The following KLHDC7B variants were observed in gnomAD, a reference collection of about 807,000 sequenced individuals.
KLHDC7B encodes the protein kelch domain-containing protein 7B.
In KLHDC7B, 1 loss-of-function variant was observed where a neutral mutation model predicts 0.6. The observed-to-expected ratio is 1.71, with a 90% CI of 0.61 to 8.11. The LOEUF is 8.11. Among genes scored for constraint, KLHDC7B ranks in the 30% most tolerant of loss-of-function variants. The pLI, the probability that KLHDC7B is intolerant of heterozygous loss-of-function variation, is 0.13. For synonymous variants in KLHDC7B, 462 were observed against 405.2 expected, an observed-to-expected ratio of 1.14 and a Z score of -1.68; for missense variants, 993 against 894.9, an observed-to-expected ratio of 1.11 and a Z score of -1.40.
Position 50,548,106 on chromosome 22 carries a change from G to T in KLHDC7B, c.1863G>T (p.Val621=), listed in dbSNP as rs1325410063. The T allele has an allele frequency of 7.0e-7, 1 of 1,434,560 alleles. No individual in the cohort carries two copies. The highest frequency in any genetic ancestry group is 9.1e-7 in the Non-Finnish European group (1 of 1,093,050). 88.9% of individuals were successfully genotyped at this position (1,434,560 alleles called of 1,614,324 possible). The change falls in exon 1 of 1, where the codon GTG becomes GTT. Residue 621 remains valine (V), a synonymous_variant. Coordinates refer to ENST00000648057, the MANE Select transcript of KLHDC7B (RefSeq NM_138433.5). The surrounding 1 kb of genome is among the most constrained non-coding windows in gnomAD (Gnocchi z 5.3). ...ACGGGTCAAAGCCTCAGGAGAGTGT[G>T]GCTCTCCCCAGGCGCTACCAGGAGG... is the stretch of plus-strand genomic sequence containing the variant. ...PADGSKPQES[V]ALPRRYQEGQ... is the part of the protein sequence containing the mutation.
rs1047145670 is a variant in KLHDC7B at position 50,546,850 on chromosome 22, G to A, written c.607G>A (p.Ala203Thr). Among the ~76,000 whole-genome samples, 1 of 152,032 alleles carries A rather than the reference G, an allele frequency of 6.6e-6. No homozygotes were observed. Among genetic ancestry groups the A allele is most frequent in the African/African-American group, 2.4e-5 (1 of 41,428 alleles). ...GGVRASSRQA[A>T]GPAGQQDTGP... ...TGTCAGGGCGTCCTCTCGCCAGGCC[G>A]CAGGCCCCGCGGGGCAACAGGACAC... is the stretch of plus-strand genomic sequence containing the variant. Residue 203 changes from alanine (A) to threonine (T), a missense_variant, in exon 1 of 1, where the codon GCA (alanine) becomes ACA (threonine). By Grantham distance (58) the Ala-to-Thr change is moderately conservative. Transcript: ENST00000648057.
Position 50,548,806 on chromosome 22 carries a change from C to T in KLHDC7B, c.2563C>T (p.Leu855=). 6.7e-7 allele frequency: 1 copy of T among 1,481,904 alleles called. No homozygotes were observed. Among genetic ancestry groups the T allele is most frequent in the Non-Finnish European group, 8.9e-7 (1 of 1,120,782 alleles). The allele number at this position is 1,481,904 out of a possible 1,614,324, so 91.8% of individuals were successfully genotyped here. A position where few individuals can be genotyped will look rare whatever the true frequency, so the allele number is the denominator to read the frequency against. Reference sequence around the variant, plus strand: ...CCTGGAGCCCGCCACGGCGGCAGCCCTGCGGCGGCGGCTGGACCTGGGCAG... The same window carrying T: ...CCTGGAGCCCGCCACGGCGGCAGCCTTGCGGCGGCGGCTGGACCTGGGCAG... The part of the protein sequence containing the change: ...RALEPATAAA[L]RRRLDLGSCL... Residue 855 remains leucine, a synonymous_variant, in exon 1 of 1, where the codon CTG becomes TTG. Coordinates refer to ENST00000648057, the MANE Select transcript of KLHDC7B (RefSeq NM_138433.5). This position sits in a 1 kb window ranked among gnomAD's most constrained non-coding sequence, Gnocchi z 5.3.
Position 50,549,042 on chromosome 22 carries a change from C to T in KLHDC7B, c.2799C>T (p.Tyr933=), listed in dbSNP as rs765179298. 8 of 1,596,606 alleles carry T rather than the reference C, an allele frequency of 5.0e-6. No homozygotes were observed. Among genetic ancestry groups the T allele is most frequent in the East Asian group, 2.2e-5 (1 of 44,780 alleles). ...VLGVLVLPSL[Y]QGGRSGLPRG... ...GCGTCCTCGTACTGCCCAGCCTCTACCAGGGGGGCCGCTCAGGGCTCCCCA... is the reference window on the plus strand; with the variant it reads ...GCGTCCTCGTACTGCCCAGCCTCTATCAGGGGGGCCGCTCAGGGCTCCCCA... The change falls in exon 1 of 1, where the codon TAC becomes TAT. Residue 933 remains tyrosine (Y), a synonymous_variant. Transcript: ENST00000648057.
chr22:50,549,637 CTGGGGGGCTTCCTG>C lies in KLHDC7B; in HGVS notation c.1473_1486del (p.Gly492ProfsTer91). 2 of 1,556,550 alleles carry C rather than the reference CTGGGGGGCTTCCTG, an allele frequency of 1.3e-6. No individual in the cohort carries two copies. The highest frequency in any genetic ancestry group is 1.7e-6 in the Non-Finnish European group (2 of 1,148,486). On this transcript the variant is annotated frameshift_variant, in exon 1 of 1. Transcript: ENST00000395676. LOFTEE classifies it low-confidence loss of function (END_TRUNC). ...CCGGCGTTCCAGCGACATCGTGGCA[CTGGGGGGCTTCCTG>C]TACCGCTTCGACCTGCTGCGGGGCG...
At position 50,546,391 on chromosome 22, in the gene KLHDC7B, C is replaced by T; in HGVS notation, c.148C>T (p.His50Tyr). The T allele has an allele frequency of 2.5e-6, 1 of 399,354 alleles. No individual in the cohort carries two copies. The highest frequency in any genetic ancestry group is 4.4e-6 in the Non-Finnish European group (1 of 226,346). The allele number at this position is 399,354 out of a possible 1,614,324, so 24.7% of individuals were successfully genotyped here. ...GGCCTTACACTGGTTTGGCTCCGGG[C>T]ACGATCAAGAGGCGGCAGAACCGGT... is the stretch of plus-strand genomic sequence containing the variant. ...ALALHWFGSG[H>Y]DQEAAEPVST... Residue 50 changes from histidine to tyrosine, a missense_variant, in exon 1 of 1, where the codon CAC (histidine) becomes TAC (tyrosine). By Grantham distance (83) the His-to-Tyr change is moderately conservative. Transcript: ENST00000648057.
chr22:50,546,925 C>T lies in KLHDC7B; in HGVS notation c.682C>T (p.Arg228Trp), dbSNP rs532243715. 1.3e-5 allele frequency among the ~76,000 whole-genome samples: 2 copies of T among 151,842 alleles called. No individual in the cohort carries two copies. The highest frequency in any genetic ancestry group is 1.9e-4 in the East Asian group (1 of 5,168). Residue 228 changes from arginine to tryptophan, a missense_variant, in exon 1 of 1, where the codon CGG becomes TGG. Physicochemically the swap from Arg to Trp is moderately radical, Grantham distance 101 (BLOSUM62 -3). Coordinates refer to ENST00000648057, the MANE Select transcript of KLHDC7B (RefSeq NM_138433.5). ...AGPSGSMGRG[R>W]GRRRRMDAGS... Reference sequence around the variant, plus strand: ...GCCCTCGGGCTCGATGGGGAGAGGCCGGGGCCGGCGGCGGCGGATGGACGC... The same window carrying T: ...GCCCTCGGGCTCGATGGGGAGAGGCTGGGGCCGGCGGCGGCGGATGGACGC...
Position 50,549,199 on chromosome 22 carries a change from C to G in KLHDC7B, c.2956C>G (p.Arg986Gly). 1 of 1,606,646 alleles carries G rather than the reference C, an allele frequency of 6.2e-7. No individual in the cohort carries two copies. The change falls in exon 1 of 1, where the codon CGG becomes GGG. Residue 986 changes from arginine to glycine, a missense_variant. Arg to Gly is a moderately radical substitution (Grantham distance 125, BLOSUM62 -2). Coordinates refer to ENST00000648057, the MANE Select transcript of KLHDC7B (RefSeq NM_138433.5). Reference protein sequence around the residue: ...LTQVPEEAPLRGCGLCTMHNY... With the variant: ...LTQVPEEAPLGGCGLCTMHNY... ...CCAGGTGCCCGAGGAGGCCCCGCTTCGGGGCTGCGGTCTCTGCACCATGCA... is the reference window on the plus strand; with the variant it reads ...CCAGGTGCCCGAGGAGGCCCCGCTTGGGGGCTGCGGTCTCTGCACCATGCA...
Position 50,549,792 on chromosome 22 carries a change from C to G in KLHDC7B, c.1626C>G (p.Tyr542Ter). Residue 542 changes from tyrosine (Y) to a stop codon, truncating the protein, a stop_gained, in exon 1 of 1, where the codon TAC becomes TAG. Coordinates refer to the KLHDC7B transcript ENST00000395676. LOFTEE classifies it high-confidence loss of function. ...GCACCACCCTGGGCAACACCATTTA[C>G]TGCCTCAACCCCCAGGTCACTGCCA... The G allele has an allele frequency of 6.8e-7, 1 of 1,468,024 alleles. No individual in the cohort carries two copies. The highest frequency in any genetic ancestry group is 2.9e-5 in the East Asian group (1 of 34,130). 90.9% of individuals were successfully genotyped at this position (1,468,024 alleles called of 1,614,324 possible).
chr22:50,550,090 T>C lies in KLHDC7B; in HGVS notation c.*139T>C. ...TTTCTGGACAACTTTCCCCTTCTGCTTTAAAGGTTGTCGATTATTTTGAAG... is the reference window on the plus strand; with the variant it reads ...TTTCTGGACAACTTTCCCCTTCTGCCTTAAAGGTTGTCGATTATTTTGAAG... On this transcript the variant is annotated 3_prime_UTR_variant, in exon 1 of 1. Coordinates refer to ENST00000648057, the MANE Select transcript of KLHDC7B (RefSeq NM_138433.5). 2.2e-6 allele frequency: 2 copies of C among 915,190 alleles called. No individual in the cohort carries two copies. Among genetic ancestry groups the C allele is most frequent in the Non-Finnish European group, 3.2e-6 (2 of 627,074 alleles). 56.7% of individuals were successfully genotyped at this position (915,190 alleles called of 1,614,324 possible). A position where few individuals can be genotyped will look rare whatever the true frequency, so the allele number is the denominator to read the frequency against.
rs1438518078 is a variant in KLHDC7B at position 50,549,651 on chromosome 22, G to A, written c.3408G>A (p.Leu1136=). The change falls in exon 1 of 1, where the codon CTG becomes CTA. Residue 1136 remains leucine, a synonymous_variant. Transcript: ENST00000648057. ...ACATCGTGGCACTGGGGGGCTTCCT[G>A]TACCGCTTCGACCTGCTGCGGGGCG... is the stretch of plus-strand genomic sequence containing the variant. ...SSDIVALGGF[L]YRFDLLRGVG... is the part of the protein sequence containing the mutation. The A allele has an allele frequency of 3.2e-6, 5 of 1,557,318 alleles. No individual in the cohort carries two copies. In the South Asian group the frequency reaches 4.8e-5, roughly 15 times the overall value.
chr22:50,548,887 G>T lies in KLHDC7B; in HGVS notation c.721G>T (p.Glu241Ter). The change falls in exon 1 of 1, where the codon GAG becomes TAG. Residue 241 changes from glutamate to a stop codon, truncating the protein, a stop_gained. Coordinates refer to the KLHDC7B transcript ENST00000395676. LOFTEE classifies it low-confidence loss of function (END_TRUNC). This position sits in a 1 kb window ranked among gnomAD's most constrained non-coding sequence, Gnocchi z 5.3. The stretch of plus-strand genomic sequence containing the variant: ...GCACGGAGAGCCCGGCCTGGCGCAG[G>T]AGACCTACGCGCTGATGAGCGACAA... 6.3e-7 allele frequency: 1 copy of T among 1,577,216 alleles called. No homozygotes were observed. Among genetic ancestry groups the T allele is most frequent in the African/African-American group, 1.4e-5 (1 of 73,994 alleles).
At position 50,549,414 on chromosome 22, in the gene KLHDC7B, C is replaced by A; in HGVS notation, c.1248C>A (p.Tyr416Ter). ...ATGCCATCGGTGGCGAATGCCTGTACAGCATGGAGTGCTACGACCCGCGAA... is the reference window on the plus strand; with the variant it reads ...ATGCCATCGGTGGCGAATGCCTGTAAAGCATGGAGTGCTACGACCCGCGAA... The change falls in exon 1 of 1, where the codon TAC becomes TAA. Residue 416 changes from tyrosine (Y) to a stop codon, truncating the protein, a stop_gained. Transcript: ENST00000395676. LOFTEE classifies it low-confidence loss of function (END_TRUNC). 6.2e-7 allele frequency: 1 copy of A among 1,612,698 alleles called. No homozygotes were observed. The highest frequency in any genetic ancestry group is 8.5e-7 in the Non-Finnish European group (1 of 1,179,916).
chr22:50,547,702 T>C lies in KLHDC7B; in HGVS notation c.1459T>C (p.Ser487Pro). 1 of 442,914 alleles carries C rather than the reference T, an allele frequency of 2.3e-6. No individual in the cohort carries two copies. Among genetic ancestry groups the C allele is most frequent in the Non-Finnish European group, 4.0e-6 (1 of 251,958 alleles). The allele number at this position is 442,914 out of a possible 1,614,324, so 27.4% of individuals were successfully genotyped here. ...AGTCCTAGCCCCAGCCCTGGCTTCA[T>C]CCCCCAGCTCAGCACCAACCTCAGC... ...ASVLAPALAS[S>P]PSSAPTSATT... The change falls in exon 1 of 1, where the codon TCC (serine) becomes CCC (proline). Residue 487 changes from serine (S) to proline (P), a missense_variant. Transcript: ENST00000648057.
In KLHDC7B at chr22:50,549,888, C is replaced by A. The variant is rs148213739; in HGVS notation, c.3645C>A (p.Thr1215=). ...KELQPFPLGS[T]GVLSPFILTL... ...TGCAGCCCTTCCCCTTGGGGAGCACCGGGGTCCTCAGTCCATTCATCCTGA... is the reference window on the plus strand; with the variant it reads ...TGCAGCCCTTCCCCTTGGGGAGCACAGGGGTCCTCAGTCCATTCATCCTGA... Residue 1215 remains threonine, a synonymous_variant, in exon 1 of 1, where the codon ACC becomes ACA. Transcript: ENST00000648057. 1 of 1,588,596 alleles carries A rather than the reference C, an allele frequency of 6.3e-7. No individual in the cohort carries two copies. Among genetic ancestry groups the A allele is most frequent in the South Asian group, 1.1e-5 (1 of 88,376 alleles).
Position 50,548,795 on chromosome 22 carries a change from C to G in KLHDC7B, c.2552C>G (p.Thr851Arg), listed in dbSNP as rs890396601. The G allele has an allele frequency of 6.8e-7, 1 of 1,462,568 alleles. No homozygotes were observed. The highest frequency in any genetic ancestry group is 9.0e-7 in the Non-Finnish European group (1 of 1,112,676). 90.6% of individuals were successfully genotyped at this position (1,462,568 alleles called of 1,614,324 possible). A position where few individuals can be genotyped will look rare whatever the true frequency, so the allele number is the denominator to read the frequency against. The change falls in exon 1 of 1, where the codon ACG (threonine) becomes AGG (arginine). Residue 851 changes from threonine (T) to arginine (R), a missense_variant. By Grantham distance (71) the Thr-to-Arg change is moderately conservative. Coordinates refer to ENST00000648057, the MANE Select transcript of KLHDC7B (RefSeq NM_138433.5). This position sits in a 1 kb window ranked among gnomAD's most constrained non-coding sequence, Gnocchi z 5.3. ...KPSSRALEPA[T>R]AAALRRRLDL... ...AGCTCCCGGGCCCTGGAGCCCGCCA[C>G]GGCGGCAGCCCTGCGGCGGCGGCTG... is the stretch of plus-strand genomic sequence containing the variant.
In KLHDC7B at chr22:50,549,748, G is replaced by GCC; in HGVS notation, c.1586_1587dup (p.Ala530ProfsTer54). On this transcript the variant is annotated frameshift_variant, in exon 1 of 1. Transcript: ENST00000395676. LOFTEE classifies it low-confidence loss of function (END_TRUNC). ...CAGGGCTGCCTCCCTGCCCCTGCCC[G>GCC]CCCCCGCCCCACTGCACTGCACCAC... The GCC allele has an allele frequency of 6.2e-6, 9 of 1,447,098 alleles. No individual in the cohort carries two copies. The highest frequency in any genetic ancestry group is 8.3e-6 in the Non-Finnish European group (9 of 1,078,710). 89.6% of individuals were successfully genotyped at this position (1,447,098 alleles called of 1,614,324 possible).
rs976726852 is a variant in KLHDC7B at position 50,545,971 on chromosome 22, G to A, written c.-273G>A. Reference sequence around the variant, plus strand: ...TGAGGACCCTGGGGCCTACGAGGAGGAGAAGAGGGCAGGAGCTGGTGGGGT... The same window carrying A: ...TGAGGACCCTGGGGCCTACGAGGAGAAGAAGAGGGCAGGAGCTGGTGGGGT... On this transcript the variant is annotated 5_prime_UTR_variant, in exon 1 of 1. Transcript: ENST00000648057. Among the ~76,000 whole-genome samples the A allele has an allele frequency of 1.5e-5, 2 of 132,880 alleles. No individual in the cohort carries two copies. The highest frequency in any genetic ancestry group is 3.4e-5 in the Non-Finnish European group (2 of 58,828). The allele number at this position is 132,880 out of a possible 152,430, so 87.2% of individuals were successfully genotyped here. A position where few individuals can be genotyped will look rare whatever the true frequency, so the allele number is the denominator to read the frequency against.
chr22:50,548,599 G>A lies in KLHDC7B; in HGVS notation c.2356G>A (p.Glu786Lys). Residue 786 changes from glutamate (E) to lysine (K), a missense_variant, in exon 1 of 1, where the codon GAG becomes AAG. Coordinates refer to ENST00000648057, the MANE Select transcript of KLHDC7B (RefSeq NM_138433.5). The surrounding 1 kb of genome is among the most constrained non-coding windows in gnomAD (Gnocchi z 5.3). ...RCEIAPSSEQ[E>K]VRPAASGDPQ... The stretch of plus-strand genomic sequence containing the variant: ...CGAAATCGCCCCGAGCTCGGAGCAG[G>A]AGGTCAGGCCGGCCGCCTCGGGGGA... The A allele has an allele frequency of 6.5e-7, 1 of 1,545,582 alleles. No homozygotes were observed. Among genetic ancestry groups the A allele is most frequent in the Non-Finnish European group, 8.7e-7 (1 of 1,146,424 alleles).
chr22:50,548,592 G>A lies in KLHDC7B; in HGVS notation c.2349G>A (p.Ser783=), dbSNP rs987595194. The A allele has an allele frequency of 6.5e-7, 1 of 1,545,770 alleles. No individual in the cohort carries two copies. The highest frequency in any genetic ancestry group is 2.0e-5 in the Admixed American group (1 of 50,934). ...GCAGGTGCGAAATCGCCCCGAGCTC[G>A]GAGCAGGAGGTCAGGCCGGCCGCCT... ...KRSRCEIAPS[S]EQEVRPAASG... Residue 783 remains serine, a synonymous_variant, in exon 1 of 1, where the codon TCG becomes TCA. Coordinates refer to ENST00000648057, the MANE Select transcript of KLHDC7B (RefSeq NM_138433.5). This position sits in a 1 kb window ranked among gnomAD's most constrained non-coding sequence, Gnocchi z 5.3.
Sources: allele counts gnomAD v4.1 joint callset (sites outside exome capture counted in the v4.1 genomes callset), GRCh38; gene constraint gnomAD v4.1.1; non-coding constraint Gnocchi (gnomAD v3.1); transcripts MANE v1.5; gene names NCBI Gene and HGNC (gene_info 2026-07-23, HGNC 2026-07-21).